SERINC2: variants seen among roughly 807,000 people sequenced by gnomAD.
The protein encoded by SERINC2 is serine incorporator 2.
Under a neutral mutation model 54.2 loss-of-function variants are expected in SERINC2, and 56 were observed. The observed-to-expected ratio is 1.03, with a 90% CI of 0.83 to 1.29. SERINC2 has a LOEUF of 1.29. SERINC2 is among the 50% of genes most tolerant of loss of function. The pLI, the probability that SERINC2 is intolerant of heterozygous loss-of-function variation, is 0.00. For synonymous variants in SERINC2, 272 were observed against 253.1 expected (o/e 1.07, Z -0.71); for missense variants, 614 against 607.4 (o/e 1.01, Z -0.12).
chr1:31,414,258 C>T, intron 1 of SERINC2: 1 of 1,338,082 alleles, frequency 7.5e-7, no homozygotes. Context: ...TTCTCCCTTC[C>T]CTTTCCCCAG....
At chr1:31,419,695 G>T (rs1640861407) in intron 1 of SERINC2, among the ~76,000 whole-genome samples, 1 of 152,176 alleles carries the variant, frequency 6.6e-6, no homozygotes. Flanking sequence ...TGGGTGTGGT[G>T]GTGCATGCCT....
intron 9 of SERINC2, among the ~76,000 whole-genome samples, 183 bp downstream of exon 9, chr1:31,433,368 A>G (rs1037081246): frequency 9.2e-5 from 14 of 152,106 alleles, no homozygotes; most frequent in Non-Finnish European, 1.5e-4. Flanking sequence ...CAGTGCCTTC[A>G]TCTGCTCAGC....
chr1:31,415,830 G>A, intron 1 of SERINC2: 1 of 983,958 alleles, frequency 1.0e-6, no homozygotes, highest in Non-Finnish European at 1.2e-6. Context: ...GAAGATTTTT[G>A]TATCCTCCCA....
In SERINC2 at chr1:31,425,655, C is replaced by T. The variant is rs782031484; in HGVS notation, c.473-121C>T. The T allele has an allele frequency of 1.0e-4, 133 of 1,290,782 alleles. 1 individual carries two copies. The highest frequency in any genetic ancestry group is 1.3e-4 in the Non-Finnish European group (124 of 922,696). The allele number at this position is 1,290,782 out of a possible 1,614,324, so 80.0% of individuals were successfully genotyped here. A position where few individuals can be genotyped will look rare whatever the true frequency, so the allele number is the denominator to read the frequency against. ...CCCTCTGTGCGTAGCTAGGGGCTCCCTGAGGGCAGGGACTCTGTTCTTCTC... is the reference window on the plus strand; with the variant it reads ...CCCTCTGTGCGTAGCTAGGGGCTCCTTGAGGGCAGGGACTCTGTTCTTCTC... On this transcript the variant is annotated intron_variant, in intron 4 of 9. Coordinates refer to ENST00000373709, the MANE Select transcript of SERINC2 (RefSeq NM_178865.5).
At chr1:31,410,291 C>T, upstream of SERINC2, 1 of 1,520,532 alleles carries the variant, frequency 6.6e-7, no homozygotes, top group South Asian at 1.3e-5. Context: ...GGCCAGGACA[C>T]CAAGAAATGA....
At chr1:31,412,185 CAG>C (rs1640662091), upstream of SERINC2, among the ~76,000 whole-genome samples, 1 of 152,116 alleles carries the variant, frequency 6.6e-6, no homozygotes, top group South Asian at 2.1e-4. Context: ...CTTCGAGGCA[CAG>C]AGACTTCTTT....
Position 31,425,411 on chromosome 1 carries a change from T to C in SERINC2, c.472+2T>C, listed in dbSNP as rs1641013194. 7.5e-6 allele frequency: 12 copies of C among 1,603,578 alleles called. No individual in the cohort carries two copies. In the East Asian group the frequency reaches 2.7e-4, roughly 36 times the overall value. On this transcript the variant is annotated splice_donor_variant, in intron 4 of 9. Transcript: ENST00000373709. LOFTEE classifies it high-confidence loss of function. ...TTCCTGACGGCTCCTTCACCAACAG[T>C]AGGCGGACTTGGCAGGAGGCATGGG...
At chr1:31,411,971 AGCCTGGG>A (rs1452881934), upstream of SERINC2, among the ~76,000 whole-genome samples, 24 of 131,292 alleles carry the variant, frequency 1.8e-4, no homozygotes, top group African/African-American at 5.4e-4. Context: ...ACTGTGTTCC[AGCCTGGG>A]TGACAGAGTG....
At chr1:31,426,257 G>A (rs1161290400) in intron 5 of SERINC2, among the ~76,000 whole-genome samples, 1 of 152,132 alleles carries the variant, frequency 6.6e-6, no homozygotes, top group Non-Finnish European at 1.5e-5. Context: ...CCAGTAGCAG[G>A]GTGAGTCCCT....
rs1438430562 is a variant in SERINC2 at position 31,414,033 on chromosome 1, C to T, written c.39+729C>T. The stretch of plus-strand genomic sequence containing the variant: ...ACTGGGATGGGAGCGGAGGGAGCCC[C>T]GGACTTTCTTAGCTGCCCTCGAGTG... On this transcript the variant is annotated intron_variant, in intron 1 of 9. Coordinates refer to ENST00000373709, the MANE Select transcript of SERINC2 (RefSeq NM_178865.5). 2.6e-6 allele frequency: 4 copies of T among 1,520,052 alleles called. No homozygotes were observed. The East Asian group carries it at 1.0e-4, about 39-fold the overall frequency. 94.2% of individuals were successfully genotyped at this position (1,520,052 alleles called of 1,614,324 possible). A position where few individuals can be genotyped will look rare whatever the true frequency, so the allele number is the denominator to read the frequency against.
chr1:31,426,656 C>CTCT lies in SERINC2; in HGVS notation c.622_624dup (p.Phe208dup). ...CTCTCACTACCCCTCTGGCCCAGGC[C>CTCT]TCTTCTTCTTCACTCTCCTCTTCTA... On this transcript the variant is annotated inframe_insertion, in exon 6 of 10. Coordinates refer to ENST00000373709, the MANE Select transcript of SERINC2 (RefSeq NM_178865.5). 1 of 1,606,448 alleles carries CTCT rather than the reference C, an allele frequency of 6.2e-7. No individual in the cohort carries two copies. Among genetic ancestry groups the CTCT allele is most frequent in the South Asian group, 1.1e-5 (1 of 90,732 alleles).
intron 1 of SERINC2, chr1:31,415,836 TC>T: frequency 1.0e-6 from 1 of 985,090 alleles, no homozygotes; most frequent in East Asian, 1.1e-4. Flanking sequence ...TTTTGTATCC[TC>T]CCAGGTGTGA....
At chr1:31,422,547 T>C (rs12037108) in intron 1 of SERINC2, among the ~76,000 whole-genome samples, 72,528 of 151,832 alleles carry the variant, frequency 0.48, 17,977 homozygotes, top group East Asian at 0.8. Context: ...CATTAGCACT[T>C]TTCTGGCAGT....
intron 5 of SERINC2, 39 bp downstream of exon 5, chr1:31,425,952 C>T (rs999277533): frequency 3.1e-6 from 5 of 1,592,990 alleles, no homozygotes; most frequent in Non-Finnish European, 3.4e-6. Context: ...GGGACTCGAG[C>T]CTGGGCAGGG....
chr1:31,416,349 C>T (rs1362799963), intron 1 of SERINC2, among the ~76,000 whole-genome samples: 2 of 152,188 alleles, frequency 1.3e-5, no homozygotes, highest in East Asian at 3.8e-4. Flanking sequence ...GCTCGGAGCC[C>T]CTGTACTCTC....
chr1:31,432,109 GAT>G lies in SERINC2; in HGVS notation c.1014-856_1014-855del, dbSNP rs1557501309. 3.7e-4 allele frequency among the ~76,000 whole-genome samples: 49 copies of G among 132,370 alleles called. 4 individuals carry two copies. The highest frequency in any genetic ancestry group is 5.3e-4 in the Non-Finnish European group (33 of 61,948). The allele number at this position is 132,370 out of a possible 152,430, so 86.8% of individuals were successfully genotyped here. ...TAGGGTGGACAGGGTGGACAGGGTG[GAT>G]AGGGTGGTTAGGGTGGATAGGGTGG... On this transcript the variant is annotated intron_variant, in intron 8 of 9. Coordinates refer to ENST00000373709, the MANE Select transcript of SERINC2 (RefSeq NM_178865.5).
At chr1:31,431,776 A>AATAGGGTGG (rs1557499667) in intron 8 of SERINC2, among the ~76,000 whole-genome samples, 1 of 6,286 alleles carries the variant, frequency 1.6e-4, no homozygotes, top group African/African-American at 2.2e-4. Flanking sequence ...GGAGAGGGTG[A>AATAGGGTGG]ATAGGGTGGA....
chr1:31,432,519 C>G (rs1039489222), intron 8 of SERINC2, among the ~76,000 whole-genome samples: 2 of 151,870 alleles, frequency 1.3e-5, no homozygotes, highest in African/African-American at 4.8e-5. Context: ...GGCAAATGAG[C>G]GTGATTAATT....
intron 1 of SERINC2, among the ~76,000 whole-genome samples, chr1:31,417,852 C>CTTTTTTTTTTTTTTTTTTT (rs3050463): frequency 2.1e-5 from 2 of 95,732 alleles, no homozygotes; most frequent in Non-Finnish European, 1.9e-5. Flanking sequence ...AAATTTCATT[C>CTTTTTTTTTTTTTTTTTTT]TTTTTTTTTT....
Sources: gnomAD v4.1 joint callset for allele counts (sites outside exome capture counted in the v4.1 genomes callset) on GRCh38, gnomAD v4.1.1 for gene constraint, MANE v1.5 for transcripts, NCBI Gene and HGNC (gene_info 2026-07-23, HGNC 2026-07-21) for gene names.